UNC5D: variants seen among roughly 807,000 people sequenced by gnomAD.
The protein encoded by UNC5D is netrin receptor UNC5D.
UNC5D carries 39 observed loss-of-function variants against 105.4 expected under a neutral mutation model. The observed-to-expected ratio is 0.37, with a 90% CI of 0.29 to 0.48. The LOEUF (loss-of-function observed/expected upper bound fraction) is 0.48, where lower values mean the gene tolerates loss of function less well. Ranked by LOEUF, UNC5D falls within the 20% of genes least tolerant of loss-of-function variation. The pLI, the probability that UNC5D is intolerant of heterozygous loss-of-function variation, is 0.98. For missense variants in UNC5D, 991 were observed against 1,202.4 expected (o/e 0.82, Z 2.60); for synonymous variants, 452 against 450.4 (o/e 1.00, Z -0.04).
intron 1 of UNC5D, among the ~76,000 whole-genome samples, chr8:35,337,333 G>T (rs984027500): frequency 1.3e-5 from 2 of 152,110 alleles, no homozygotes; most frequent in African/African-American, 2.4e-5. Context: ...TTTCTTTGAG[G>T]ATTCTTAGAG....
intron 1 of UNC5D, among the ~76,000 whole-genome samples, chr8:35,536,065 G>A (rs1037353096): frequency 6.6e-6 from 1 of 152,178 alleles, no homozygotes; most frequent in African/African-American, 2.4e-5. Context: ...GTAGCAGATT[G>A]CCTCTTGATA....
rs2128957301 is a variant in UNC5D at position 35,410,473 on chromosome 8, G to A, written c.104-138819G>A. ...CAGGATACAGTTTGTTTTTAAAAAG[G>A]TCCTCTCCCTCCTCCTTTCTCATTT... On this transcript the variant is annotated intron_variant, in intron 1 of 16. Coordinates refer to ENST00000404895, the MANE Select transcript of UNC5D (RefSeq NM_080872.4). Among the ~76,000 whole-genome samples, 2 of 152,128 alleles carry A rather than the reference G, an allele frequency of 1.3e-5. 1 individual carries two copies. The highest frequency in any genetic ancestry group is 4.1e-4 in the South Asian group (2 of 4,822).
intron 1 of UNC5D, among the ~76,000 whole-genome samples, chr8:35,450,447 C>T (rs988723044): frequency 6.6e-6 from 1 of 152,056 alleles, no homozygotes; most frequent in Non-Finnish European, 1.5e-5. Flanking sequence ...TTTATAATAT[C>T]AAGATTGTTT....
At chr8:35,542,828 A>G (rs958702225) in intron 1 of UNC5D, among the ~76,000 whole-genome samples, 7 of 152,214 alleles carry the variant, frequency 4.6e-5, no homozygotes, top group African/African-American at 1.7e-4. Flanking sequence ...AAATGTTAGG[A>G]TAATAAGTTT....
At chr8:35,332,867 C>T (rs1392419462) in intron 1 of UNC5D, among the ~76,000 whole-genome samples, 1 of 152,176 alleles carries the variant, frequency 6.6e-6, no homozygotes, top group Non-Finnish European at 1.5e-5. Flanking sequence ...GATCTCCACT[C>T]CAGCTTTAAC....
At chr8:35,352,797 G>C (rs1035830565) in intron 1 of UNC5D, among the ~76,000 whole-genome samples, 5 of 152,014 alleles carry the variant, frequency 3.3e-5, no homozygotes, top group Non-Finnish European at 7.4e-5. Context: ...ATTTTTAGTA[G>C]AGACGGGGTT....
intron 1 of UNC5D, among the ~76,000 whole-genome samples, chr8:35,311,267 A>T (rs1808858410): frequency 6.6e-6 from 1 of 152,168 alleles, no homozygotes; most frequent in Non-Finnish European, 1.5e-5. Context: ...TGTTTCAGAG[A>T]ATATTTAGAA....
At chr8:35,738,426 T>G (rs1403045574) in intron 11 of UNC5D, among the ~76,000 whole-genome samples, 1 of 152,344 alleles carries the variant, frequency 6.6e-6, no homozygotes, top group East Asian at 1.9e-4. Context: ...TTTAATTACA[T>G]AGATGACAGA....
At chr8:35,308,580 T>C (rs561636741) in intron 1 of UNC5D, among the ~76,000 whole-genome samples, 1 of 152,288 alleles carries the variant, frequency 6.6e-6, no homozygotes, top group South Asian at 2.1e-4. Context: ...TTATTAGAAT[T>C]TCACAGGTCT....
intron 4 of UNC5D, among the ~76,000 whole-genome samples, chr8:35,621,956 G>A (rs568424388): frequency 2.0e-4 from 30 of 152,342 alleles, no homozygotes; most frequent in African/African-American, 7.0e-4. Flanking sequence ...AGCAAGGAAA[G>A]CTTAAATCTC....
At chr8:35,340,807 C>G (rs1363315918) in intron 1 of UNC5D, among the ~76,000 whole-genome samples, 1 of 152,048 alleles carries the variant, frequency 6.6e-6, no homozygotes, top group African/African-American at 2.4e-5. Context: ...AGCCTTGAAG[C>G]TCAGGGGCCC....
chr8:35,681,587 A>G (rs768324199), intron 4 of UNC5D, among the ~76,000 whole-genome samples: 2 of 152,218 alleles, frequency 1.3e-5, no homozygotes, highest in African/African-American at 2.4e-5. Context: ...TGTTAAACAG[A>G]GCAGCGCTTT....
intron 1 of UNC5D, among the ~76,000 whole-genome samples, chr8:35,351,336 T>C (rs2128910060): frequency 6.6e-6 from 1 of 152,228 alleles, no homozygotes; most frequent in African/African-American, 2.4e-5. Context: ...GAGGTGATCT[T>C]ATCCAGGGGT....
At chr8:35,311,170 A>G (rs1016825922) in intron 1 of UNC5D, among the ~76,000 whole-genome samples, 2 of 152,184 alleles carry the variant, frequency 1.3e-5, no homozygotes, top group African/African-American at 4.8e-5. Context: ...CACATGGCAT[A>G]AGAGTTGCGT....
At chr8:35,692,064 G>T (rs1826440542) in intron 7 of UNC5D, among the ~76,000 whole-genome samples, 1 of 152,156 alleles carries the variant, frequency 6.6e-6, no homozygotes. Flanking sequence ...TCTTGTCAAG[G>T]TATAACATAG....
intron 11 of UNC5D, among the ~76,000 whole-genome samples, chr8:35,738,312 G>A (rs1829579635): frequency 6.6e-6 from 1 of 152,170 alleles, no homozygotes; most frequent in Non-Finnish European, 1.5e-5. Flanking sequence ...AGATTTTGGT[G>A]AGGATGATAA....
intron 1 of UNC5D, among the ~76,000 whole-genome samples, chr8:35,362,051 G>A (rs1437122881): frequency 6.6e-6 from 1 of 151,900 alleles, no homozygotes; most frequent in Non-Finnish European, 1.5e-5. Context: ...TGATTTGATG[G>A]GTTATAGTAT....
chr8:35,765,924 C>A (rs16884403), intron 14 of UNC5D, among the ~76,000 whole-genome samples: 5 of 151,996 alleles, frequency 3.3e-5, no homozygotes, highest in Admixed American at 2.0e-4. Context: ...TGAGGATTAC[C>A]AGAGGCATAT....
chr8:35,551,222 G>A (rs1244155024), intron 2 of UNC5D, among the ~76,000 whole-genome samples: 1 of 152,174 alleles, frequency 6.6e-6, no homozygotes, highest in East Asian at 1.9e-4. Context: ...CAAGAGTCGG[G>A]AGGCTACAGA....
Sources: gnomAD v4.1 joint callset for allele counts (sites outside exome capture counted in the v4.1 genomes callset) on GRCh38, gnomAD v4.1.1 for gene constraint, MANE v1.5 for transcripts, NCBI Gene and HGNC (gene_info 2026-07-23, HGNC 2026-07-21) for gene names.